Variants in FYB2 observed in about 807,000 individuals in gnomAD.
FYB2 encodes the protein FYN binding protein 2.
A neutral mutation model predicts 94.1 loss-of-function variants in FYB2; 103 were observed. That is an observed-to-expected ratio of 1.09 (90% CI 0.93 to 1.29). The LOEUF (loss-of-function observed/expected upper bound fraction) is 1.29. FYB2 is among the 50% of genes most tolerant of loss of function. The probability of loss-of-function intolerance (pLI) is 0.00; values close to 1 mark genes in which losing one functional copy is unlikely to be tolerated. For synonymous variants in FYB2, 293 were observed against 287.9 expected, an observed-to-expected ratio of 1.02 and a Z score of -0.18; for missense variants, 896 against 841.5, an observed-to-expected ratio of 1.06 and a Z score of -0.80.
At chr1:56,808,433 T>C (rs1377319543) in intron 1 of FYB2, among the ~76,000 whole-genome samples, 3 of 152,208 alleles carry the variant, frequency 2.0e-5, no homozygotes, top group Non-Finnish European at 4.4e-5. Context: ...GCTTTCTAAA[T>C]ATGTATTCTT....
chr1:56,819,442 C>G (rs1646961652), upstream of FYB2: 2 of 1,114,522 alleles, frequency 1.8e-6, no homozygotes, highest in South Asian at 1.4e-5. Context: ...CCTGCCCCAT[C>G]TGGGCCGAGG....
At chr1:56,798,074 A>T (rs1646440517) in intron 1 of FYB2, among the ~76,000 whole-genome samples, 4 of 152,222 alleles carry the variant, frequency 2.6e-5, no homozygotes, top group Non-Finnish European at 5.9e-5. Context: ...GCAGTGGCAG[A>T]AGTGACCCAC....
chr1:56,788,565 G>A (rs1013003184), intron 3 of FYB2, among the ~76,000 whole-genome samples: 14 of 152,094 alleles, frequency 9.2e-5, no homozygotes, highest in African/African-American at 3.4e-4. Context: ...AGGCCTGAGG[G>A]GCTCCCCCTA....
intron 2 of FYB2, among the ~76,000 whole-genome samples, chr1:56,789,468 C>T (rs1398572663): frequency 6.6e-6 from 1 of 152,166 alleles, no homozygotes; most frequent in African/African-American, 2.4e-5. Context: ...TCTCCATTCT[C>T]CGTATTTGAT....
rs1375912369 is a variant in FYB2, at chr1:56,743,801, A to G, written c.1543+225T>C. 3.3e-5 allele frequency among the ~76,000 whole-genome samples: 5 copies of G among 152,086 alleles called. No individual in the cohort carries two copies. The East Asian group carries it at 5.8e-4, about 18-fold the overall frequency. ...GGAAGGAAGTAAACTCACTTTTACC[A>G]TAAGAATGCTCTTACCAGCATCTTC... On this transcript the variant is annotated intron_variant, in intron 11 of 19. Coordinates refer to ENST00000343433, the MANE Select transcript of FYB2 (RefSeq NM_001004303.5).
intron 15 of FYB2, among the ~76,000 whole-genome samples, chr1:56,729,478 C>T (rs1393915288): frequency 6.6e-6 from 1 of 152,052 alleles, no homozygotes; most frequent in Non-Finnish European, 1.5e-5. Context: ...AGATTTGGGG[C>T]TCCATCTTCA....
chr1:56,815,607 C>T (rs1261367180), intron 1 of FYB2, among the ~76,000 whole-genome samples: 7 of 152,092 alleles, frequency 4.6e-5, no homozygotes, highest in East Asian at 1.9e-4. Context: ...CTGGATAAGT[C>T]GTTATGAAGT....
chr1:56,817,635 T>G (rs554550851), intron 1 of FYB2, among the ~76,000 whole-genome samples: 1 of 152,152 alleles, frequency 6.6e-6, no homozygotes, highest in Non-Finnish European at 1.5e-5. Flanking sequence ...TCAATAAATA[T>G]ATATTGAATA....
At chr1:56,804,225 A>G (rs1003408251) in intron 1 of FYB2, among the ~76,000 whole-genome samples, 12 of 152,352 alleles carry the variant, frequency 7.9e-5, no homozygotes, top group African/African-American at 2.6e-4. Flanking sequence ...CCTTGAGGTC[A>G]GGTAGAAATA....
chr1:56,734,328 C>T (rs960744572), intron 15 of FYB2, among the ~76,000 whole-genome samples: 1 of 138,600 alleles, frequency 7.2e-6, no homozygotes, highest in Non-Finnish European at 1.6e-5. Context: ...GATGGGTCTC[C>T]TGAATACAGC....
At chr1:56,735,720 T>C (rs1644816446) in intron 15 of FYB2, among the ~76,000 whole-genome samples, 1 of 152,044 alleles carries the variant, frequency 6.6e-6, no homozygotes, top group African/African-American at 2.4e-5. Context: ...CTTTCTCTTC[T>C]CTCTCTTGCC....
upstream of FYB2, chr1:56,824,224 A>C (rs753180853): frequency 2.0e-5 from 3 of 152,170 alleles, no homozygotes; most frequent in Non-Finnish European, 4.4e-5. Flanking sequence ...TATTGCTCAC[A>C]GTCGAGGAGT....
At chr1:56,817,949 A>C (rs1278790066) in intron 1 of FYB2, among the ~76,000 whole-genome samples, 1 of 152,226 alleles carries the variant, frequency 6.6e-6, no homozygotes, top group Non-Finnish European at 1.5e-5. Flanking sequence ...ATACTGAGCA[A>C]GTGATAACAT....
intron 1 of FYB2, among the ~76,000 whole-genome samples, chr1:56,818,936 G>A (rs370953924): frequency 2.0e-5 from 3 of 152,308 alleles, no homozygotes; most frequent in East Asian, 3.9e-4. Flanking sequence ...GTCCACAAGG[G>A]CAAGTAAACA....
intron 8 of FYB2, among the ~76,000 whole-genome samples, chr1:56,753,234 A>G (rs1253728246): frequency 6.6e-6 from 1 of 152,054 alleles, no homozygotes; most frequent in African/African-American, 2.4e-5. Flanking sequence ...GCCTCCTGCC[A>G]CCCAACTGCT....
intron 1 of FYB2, among the ~76,000 whole-genome samples, chr1:56,811,715 C>T (rs962461835): frequency 4.6e-5 from 7 of 152,164 alleles, no homozygotes; most frequent in Non-Finnish European, 7.3e-5. Context: ...AATGCTATTT[C>T]GTCCAAACCA....
rs1391583625 is a variant in FYB2 at position 56,755,935 on chromosome 1, T to C, written c.1099-8A>G. On this transcript the variant is annotated splice_region_variant and splice_polypyrimidine_tract_variant and intron_variant, in intron 6 of 19. Coordinates refer to ENST00000343433, the MANE Select transcript of FYB2 (RefSeq NM_001004303.5). Reference sequence around the variant, plus strand: ...GGGAAAATTCTTCCCAGGCTGAAAGTAAAGTGGAAAATGGTTATTTTCATA... The same window carrying C: ...GGGAAAATTCTTCCCAGGCTGAAAGCAAAGTGGAAAATGGTTATTTTCATA... 1 of 1,608,422 alleles carries C rather than the reference T, an allele frequency of 6.2e-7. No individual in the cohort carries two copies. The highest frequency in any genetic ancestry group is 8.5e-7 in the Non-Finnish European group (1 of 1,175,422).
chr1:56,797,160 C>G (rs1418438), intron 1 of FYB2, among the ~76,000 whole-genome samples: 3 of 152,042 alleles, frequency 2.0e-5, no homozygotes, highest in Non-Finnish European at 2.9e-5. Flanking sequence ...CAGCCCAGAG[C>G]ATGAACACAG....
At chr1:56,780,667 G>T (rs1221509114) in intron 4 of FYB2, among the ~76,000 whole-genome samples, 1 of 152,064 alleles carries the variant, frequency 6.6e-6, no homozygotes, top group Non-Finnish European at 1.5e-5. Flanking sequence ...AGGACATAAG[G>T]TACAACTCTT....
Sources: gnomAD v4.1 joint callset for allele counts (sites outside exome capture counted in the v4.1 genomes callset) on GRCh38, gnomAD v4.1.1 for gene constraint, MANE v1.5 for transcripts, NCBI Gene and HGNC (gene_info 2026-07-23, HGNC 2026-07-21) for gene names.